Variants in RBFOX2 observed in about 807,000 individuals in gnomAD.
RBFOX2 encodes the protein RNA binding protein fox-1 homolog 2.
A neutral mutation model predicts 49.1 loss-of-function variants in RBFOX2; 10 were observed. That is an observed-to-expected ratio of 0.20 (90% CI 0.13 to 0.35). The LOEUF is 0.35. Ranked by LOEUF, RBFOX2 falls within the 10% of genes least tolerant of loss-of-function variation. The probability of loss-of-function intolerance (pLI) is 1.00; values close to 1 mark genes in which losing one functional copy is unlikely to be tolerated. For synonymous variants in RBFOX2, 183 were observed against 187.4 expected (o/e 0.98, Z 0.19); for missense variants, 323 against 486.9 (o/e 0.66, Z 3.17).
intron 1 of RBFOX2, among the ~76,000 whole-genome samples, chr22:35,933,182 A>C (rs896980733): frequency 1.3e-5 from 2 of 152,168 alleles, no homozygotes; most frequent in Non-Finnish European, 2.9e-5. Flanking sequence ...TATATAACTA[A>C]GACTGGGAGA....
intron 9 of RBFOX2, chr22:35,748,229 T>C (rs1353695049): frequency 6.6e-6 from 1 of 152,236 alleles, no homozygotes; most frequent in Non-Finnish European, 1.5e-5. Flanking sequence ...ATTCCTCCTT[T>C]GTTTTTCAAA....
rs575685277 is a variant in RBFOX2, at chr22:35,872,599, G to A, written c.-33-62595C>T. Among the ~76,000 whole-genome samples the A allele has an allele frequency of 3.3e-5, 5 of 152,246 alleles. 1 individual carries two copies. In the South Asian group the frequency reaches 1.0e-3, roughly 32 times the overall value. ...TAGAGTTCGGCTGCTCAGTGGCCTC[G>A]GCTCTCCTCCGACTGCCCCAGCCAA... On this transcript the variant is annotated intron_variant, in intron 1 of 13. Coordinates refer to the RBFOX2 transcript ENST00000359369.
chr22:35,857,562 C>T (rs1223350760), intron 1 of RBFOX2, among the ~76,000 whole-genome samples: 4 of 152,082 alleles, frequency 2.6e-5, no homozygotes, highest in Admixed American at 1.3e-4. Context: ...AACAGGTACT[C>T]GGGGTTGAAG....
intron 1 of RBFOX2, among the ~76,000 whole-genome samples, chr22:35,812,936 G>A (rs1952210772): frequency 6.6e-6 from 1 of 152,320 alleles, no homozygotes; most frequent in East Asian, 1.9e-4. Flanking sequence ...ATTAGCAGTG[G>A]GAGATGGGGA....
At chr22:35,765,329 C>T in intron 6 of RBFOX2, 94 bp downstream of exon 7, 1 of 924,816 alleles carries the variant, frequency 1.1e-6, no homozygotes, top group Non-Finnish European at 1.6e-6. Flanking sequence ...ATCAAACTGT[C>T]TTAAGACGGA....
At chr22:36,028,795 A>C (rs1332795983) in exon 1 of RBFOX2, among the ~76,000 whole-genome samples, 1 of 151,672 alleles carries the variant, frequency 6.6e-6, no homozygotes, top group Non-Finnish European at 1.5e-5. Flanking sequence ...CCCTCACAGC[A>C]CGCCGGCCGA....
intron 1 of RBFOX2, chr22:35,961,510 C>T: frequency 3.1e-6 from 4 of 1,301,764 alleles, no homozygotes; most frequent in Non-Finnish European, 4.0e-6. Context: ...GCCACAATTC[C>T]CCTGCACAAA....
chr22:35,834,916 A>C (rs1348576822), intron 1 of RBFOX2, among the ~76,000 whole-genome samples: 1 of 152,200 alleles, frequency 6.6e-6, no homozygotes, highest in Non-Finnish European at 1.5e-5. Context: ...TCACTCTGGC[A>C]ATGACCTCTA....
chr22:35,767,460 G>A (rs1280078960), intron 5 of RBFOX2, among the ~76,000 whole-genome samples: 4 of 152,010 alleles, frequency 2.6e-5, no homozygotes, highest in Admixed American at 2.6e-4. Flanking sequence ...TTGGAAAGGA[G>A]GGGAAAAAAA....
At chr22:35,960,226 T>C (rs1161044816) in intron 1 of RBFOX2, among the ~76,000 whole-genome samples, 5 of 152,168 alleles carry the variant, frequency 3.3e-5, no homozygotes, top group African/African-American at 7.2e-5. Context: ...ACACACCAAA[T>C]GTCTAAGAGC....
chr22:35,977,790 G>A (rs1291936696), intron 1 of RBFOX2, among the ~76,000 whole-genome samples: 8 of 126,230 alleles, frequency 6.3e-5, no homozygotes, highest in East Asian at 2.3e-4. Context: ...ATACATATGT[G>A]TATACGTATA....
At chr22:35,934,582 T>G (rs1159681679) in intron 1 of RBFOX2, among the ~76,000 whole-genome samples, 1 of 152,160 alleles carries the variant, frequency 6.6e-6, no homozygotes, top group African/African-American at 2.4e-5. Flanking sequence ...ATAAAGTTGT[T>G]GCACCAAAAG....
In RBFOX2 at chr22:36,028,233, C is replaced by A; in HGVS notation, c.186+7G>T. 1 of 1,505,030 alleles carries A rather than the reference C, an allele frequency of 6.6e-7. No individual in the cohort carries two copies. Among genetic ancestry groups the A allele is most frequent in the South Asian group, 1.2e-5 (1 of 80,320 alleles). 93.2% of individuals were successfully genotyped at this position (1,505,030 alleles called of 1,614,324 possible). ...CAATAACTGGGCGCCCCGTCCCGCG[C>A]GGTCACCTGCATCCCGCCGCCACCG... On this transcript the variant is annotated splice_region_variant and intron_variant, in intron 1 of 13. Transcript: ENST00000438146.
At chr22:35,744,128 C>T in exon 12 of RBFOX2, 1 of 1,288,404 alleles carries the variant, frequency 7.8e-7, no homozygotes, top group South Asian at 1.6e-5. Context: ...CTATAGAGTT[C>T]CTCTACTAGT....
At chr22:36,026,226 G>A (rs569934223) in intron 1 of RBFOX2, among the ~76,000 whole-genome samples, 7 of 149,520 alleles carry the variant, frequency 4.7e-5, no homozygotes, top group South Asian at 2.1e-4. Context: ...GCAGTGAGCC[G>A]AGATCGTGCC....
At chr22:36,028,505 G>C in exon 1 of RBFOX2, 1 of 1,049,552 alleles carries the variant, frequency 9.5e-7, no homozygotes. Flanking sequence ...CCCGACTGTC[G>C]CGACAGGCGG....
In RBFOX2 at chr22:35,850,377, A is replaced by AT. The variant is rs1172039714; in HGVS notation, c.-33-40374dup. ...TCATGACACTGTATGTTTTTGTATC[A>AT]TTTAACACCTCCCTCGCTGTGCTTT... On this transcript the variant is annotated intron_variant, in intron 1 of 13. Coordinates refer to the RBFOX2 transcript ENST00000359369. 2.6e-5 allele frequency among the ~76,000 whole-genome samples: 4 copies of AT among 152,132 alleles called. No individual in the cohort carries two copies. In the East Asian group the frequency reaches 5.8e-4, roughly 22 times the overall value.
intron 1 of RBFOX2, among the ~76,000 whole-genome samples, chr22:35,900,713 C>T (rs1482485434): frequency 1.3e-5 from 2 of 152,034 alleles, no homozygotes; most frequent in African/African-American, 4.8e-5. Context: ...AAATGTGACA[C>T]ATGGACCAGC....
rs530702200 is a variant in RBFOX2 at position 35,967,931 on chromosome 22, G to A, written c.187-29034C>T. Among the ~76,000 whole-genome samples, 4 of 151,992 alleles carry A rather than the reference G, an allele frequency of 2.6e-5. No individual in the cohort carries two copies. In the South Asian group the frequency reaches 8.3e-4, roughly 32 times the overall value. On this transcript the variant is annotated intron_variant, in intron 1 of 13. Transcript: ENST00000438146. ...TCCAGAAATAATACAATTTTTCCCA[G>A]AATAAAAAAAATCTAGGTCATTCTA... is the stretch of plus-strand genomic sequence containing the variant.
Sources: allele counts gnomAD v4.1 joint callset (sites outside exome capture counted in the v4.1 genomes callset), GRCh38; gene constraint gnomAD v4.1.1; transcripts MANE v1.5; gene names NCBI Gene and HGNC (gene_info 2026-07-23, HGNC 2026-07-21).